CDH7: variants seen among roughly 807,000 people sequenced by gnomAD.
CDH7 encodes the protein cadherin-7.
A neutral mutation model predicts 71.8 loss-of-function variants in CDH7; 25 were observed. The observed-to-expected ratio is 0.35, with a 90% confidence interval of 0.25 to 0.49. The LOEUF is 0.49. Among genes scored for constraint, CDH7 ranks in the 20% least tolerant of loss-of-function variants. CDH7 has a pLI of 0.99. For missense variants in CDH7, 862 were observed against 974.6 expected (o/e 0.88, Z 1.54); for synonymous variants, 381 against 363.8 (o/e 1.05, Z -0.54).
chr18:65,829,301 G>A (rs1375005287), intron 6 of CDH7, among the ~76,000 whole-genome samples: 3 of 151,930 alleles, frequency 2.0e-5, no homozygotes, highest in Non-Finnish European at 2.9e-5. Context: ...TGTATTTTTA[G>A]TAGAGACGGG....
intron 2 of CDH7, among the ~76,000 whole-genome samples, chr18:65,806,524 G>T (rs138646519): frequency 6.6e-6 from 1 of 152,002 alleles, no homozygotes; most frequent in Non-Finnish European, 1.5e-5. Context: ...CTTTGGTTGC[G>T]TTTATTTTGT....
chr18:65,755,040 A>G (rs1362337184), intron 1 of CDH7, among the ~76,000 whole-genome samples: 2 of 152,200 alleles, frequency 1.3e-5, no homozygotes, highest in East Asian at 3.9e-4. Context: ...GATGGTTACC[A>G]TTACCTACTT....
chr18:65,866,315 C>CAAAAAAAACAAAAAAAAAAAAAAAA (rs1913753284), intron 11 of CDH7: 1 of 1,358 alleles, frequency 7.4e-4, no homozygotes, highest in Non-Finnish European at 1.7e-3. Context: ...AAAAAAAAAA[C>CAAAAAAAACAAAAAAAAAAAAAAAA]AAAAAAAAAA....
intron 6 of CDH7, among the ~76,000 whole-genome samples, chr18:65,830,329 A>T (rs1212210327): frequency 6.6e-6 from 1 of 152,218 alleles, no homozygotes; most frequent in Non-Finnish European, 1.5e-5. Context: ...TTTTAGGTGC[A>T]GCTCAATAAA....
In CDH7 at chr18:65,886,221, A is replaced by G. The variant is rs538876811; in HGVS notation, c.*5327A>G. 1.3e-5 allele frequency: 2 copies of G among 152,328 alleles called. No homozygotes were observed. The highest frequency in any genetic ancestry group is 6.5e-5 in the Admixed American group (1 of 15,294). 9.4% of individuals were successfully genotyped at this position (152,328 alleles called of 1,614,324 possible). On this transcript the variant is annotated 3_prime_UTR_variant, in exon 12 of 12. Transcript: ENST00000397968. Reference sequence around the variant, plus strand: ...ACTGTGTAAACAGTAAAACACTATAAAAAGATAAAGCTTTATTATGGGAAA... The same window carrying G: ...ACTGTGTAAACAGTAAAACACTATAGAAAGATAAAGCTTTATTATGGGAAA...
intron 11 of CDH7, chr18:65,865,257 A>G (rs1913717391): frequency 6.6e-6 from 1 of 152,124 alleles, no homozygotes; most frequent in Non-Finnish European, 1.5e-5. Context: ...GAGTTTTATT[A>G]TATTTCATTC....
At chr18:65,843,777 C>A (rs371709344) in intron 6 of CDH7, 35 bp from the exon 7 acceptor site, 2 of 1,467,426 alleles carry the variant, frequency 1.4e-6, no homozygotes, top group East Asian at 2.4e-5. Context: ...ACTGTTTAAC[C>A]GGTAATTTAA....
chr18:65,833,738 TAG>T (rs1048677241), intron 6 of CDH7, among the ~76,000 whole-genome samples: 2 of 152,138 alleles, frequency 1.3e-5, no homozygotes, highest in Non-Finnish European at 2.9e-5. Context: ...GAGATGAACA[TAG>T]AGTTTTATAA....
At chr18:65,864,609 C>T (rs1913693896) in intron 11 of CDH7, among the ~76,000 whole-genome samples, 1 of 151,810 alleles carries the variant, frequency 6.6e-6, no homozygotes, top group East Asian at 1.9e-4. Flanking sequence ...CATTTGTGGG[C>T]CAGGAGCAGT....
intron 6 of CDH7, among the ~76,000 whole-genome samples, chr18:65,829,775 A>AGTGTGTGTGT (rs3061822): frequency 4.7e-4 from 65 of 138,202 alleles, no homozygotes; most frequent in African/African-American, 7.9e-4. Flanking sequence ...CAAGGAAGGG[A>AGTGTGTGTGT]GTGTGTGTGT....
intron 2 of CDH7, among the ~76,000 whole-genome samples, chr18:65,806,658 A>ATG (rs60116919): frequency 0.21 from 31,113 of 150,568 alleles, 3,261 homozygotes; most frequent in Non-Finnish European, 0.23. Flanking sequence ...GTGTCCATGC[A>ATG]TGTGTGTGTG....
chr18:65,802,235 T>C (rs1420674504), intron 2 of CDH7, among the ~76,000 whole-genome samples: 2 of 152,222 alleles, frequency 1.3e-5, no homozygotes, highest in African/African-American at 4.8e-5. Flanking sequence ...ACACATTTGT[T>C]TTTTAAGAAC....
At chr18:65,805,670 T>C (rs1911290129) in intron 2 of CDH7, among the ~76,000 whole-genome samples, 1 of 152,206 alleles carries the variant, frequency 6.6e-6, no homozygotes. Flanking sequence ...ACAGCCACAA[T>C]TGGCTGGACC....
At chr18:65,761,143 A>G (rs2143784008) in intron 1 of CDH7, among the ~76,000 whole-genome samples, 1 of 152,302 alleles carries the variant, frequency 6.6e-6, no homozygotes, top group African/African-American at 2.4e-5. Context: ...GGTGGCTCTC[A>G]GGTACAGTAA....
intron 7 of CDH7, among the ~76,000 whole-genome samples, chr18:65,847,036 G>A (rs1420238553): frequency 1.1e-5 from 1 of 90,676 alleles, no homozygotes; most frequent in South Asian, 4.2e-4. Flanking sequence ...GTACTCACGC[G>A]TATTCCAATA....
intron 3 of CDH7, among the ~76,000 whole-genome samples, chr18:65,810,521 C>T (rs1301351860): frequency 1.3e-5 from 2 of 152,086 alleles, no homozygotes; most frequent in African/African-American, 2.4e-5. Context: ...ATGCTTGAAC[C>T]TACAAATGGC....
At position 65,759,983 on chromosome 18, in the gene CDH7, A is replaced by G. The variant is rs1568170446; in HGVS notation, c.-196-2664A>G. The stretch of plus-strand genomic sequence containing the variant: ...CATCTTGATTTTTTGATTTATGACC[A>G]TATGGTTCTCTGGAACCAACTACAA... On this transcript the variant is annotated intron_variant, in intron 1 of 11. Transcript: ENST00000397968. 3.3e-5 allele frequency among the ~76,000 whole-genome samples: 5 copies of G among 152,320 alleles called. No individual in the cohort carries two copies. The South Asian group carries it at 1.0e-3, about 32-fold the overall frequency.
At chr18:65,757,801 T>TC (rs1916075233) in intron 1 of CDH7, among the ~76,000 whole-genome samples, 2 of 151,512 alleles carry the variant, frequency 1.3e-5, no homozygotes, top group South Asian at 4.2e-4. Flanking sequence ...ATTTTTTTTT[T>TC]CTGCACTTTT....
At chr18:65,818,771 T>A (rs536342923) in intron 4 of CDH7, among the ~76,000 whole-genome samples, 2 of 152,170 alleles carry the variant, frequency 1.3e-5, no homozygotes, top group Admixed American at 6.5e-5. Flanking sequence ...AGAGCTAACA[T>A]GATATCCAAT....
Sources: allele counts gnomAD v4.1 joint callset (sites outside exome capture counted in the v4.1 genomes callset), GRCh38; gene constraint gnomAD v4.1.1; transcripts MANE v1.5; gene names NCBI Gene and HGNC (gene_info 2026-07-23, HGNC 2026-07-21).